Variants in KLF8 observed in about 807,000 individuals in gnomAD.
KLF8 encodes the protein Krueppel-like factor 8.
Under a neutral mutation model 18.2 loss-of-function variants are expected in KLF8, and 10 were observed. That is an observed-to-expected ratio of 0.55 (90% CI 0.34 to 0.93). The LOEUF is 0.93. Ranked by LOEUF, KLF8 falls within the 40% of genes least tolerant of loss-of-function variation. The pLI is 0.02. For synonymous variants in KLF8, 109 were observed against 97.3 expected, an observed-to-expected ratio of 1.12 and a Z score of -0.71; for missense variants, 264 against 277.9, an observed-to-expected ratio of 0.95 and a Z score of 0.36.
intron 1 of KLF8, among the ~76,000 whole-genome samples, chrX:56,249,724 A>G (rs1219536258): frequency 8.9e-6 from 1 of 111,974 alleles, no homozygotes; most frequent in Non-Finnish European, 1.9e-5. Context: ...AGCTGAATTA[A>G]GACACTAATT....
At chrX:56,199,737 A>G in the KLF8 span, among the ~76,000 whole-genome samples, 4 of 111,696 alleles carry the variant, frequency 3.6e-5, no homozygotes, top group Non-Finnish European at 7.5e-5. Context: ...TTTGATATAT[A>G]CCCAAAGGAT....
At chrX:56,143,360 T>C in the KLF8 span, among the ~76,000 whole-genome samples, 1 of 112,387 alleles carries the variant, frequency 8.9e-6, no homozygotes, top group East Asian at 2.8e-4. Context: ...ACTCACTGTC[T>C]TTTACCTTGC....
the KLF8 span, among the ~76,000 whole-genome samples, chrX:56,192,368 A>T: frequency 5.3e-4 from 59 of 112,051 alleles, no homozygotes; most frequent in African/African-American, 1.9e-3. Context: ...ATGTACTGGA[A>T]AAATCAATAT....
At chrX:56,076,386 C>T in the KLF8 span, among the ~76,000 whole-genome samples, 4 of 103,182 alleles carry the variant, frequency 3.9e-5, no homozygotes, top group Admixed American at 1.1e-4. Context: ...TGAGAATATG[C>T]GGTGTTTGAT....
chrX:56,161,330 G>A, the KLF8 span, among the ~76,000 whole-genome samples: 1,704 of 111,263 alleles, frequency 0.015, 35 homozygotes, highest in African/African-American at 0.052. Flanking sequence ...GCTAAATTGC[G>A]GAAGTTCTCC....
At chrX:56,078,311 A>G in the KLF8 span, among the ~76,000 whole-genome samples, 2 of 111,952 alleles carry the variant, frequency 1.8e-5, no homozygotes, top group Admixed American at 9.5e-5. Context: ...TTTGAGATAC[A>G]TCCCATCAAT....
the KLF8 span, among the ~76,000 whole-genome samples, chrX:55,927,476 C>A: frequency 8.9e-6 from 1 of 112,011 alleles, no homozygotes; most frequent in Non-Finnish European, 1.9e-5. Flanking sequence ...AGGGTTGGCT[C>A]TTTAGTGTAG....
the KLF8 span, among the ~76,000 whole-genome samples, chrX:56,013,213 TG>T: frequency 8.9e-6 from 1 of 112,933 alleles, no homozygotes; most frequent in Non-Finnish European, 1.9e-5. Flanking sequence ...GTTTAATGAC[TG>T]CCCTATTGGA....
chrX:56,082,300 A>G, the KLF8 span, among the ~76,000 whole-genome samples: 5 of 111,380 alleles, frequency 4.5e-5, no homozygotes, highest in African/African-American at 9.7e-5. Context: ...ATTGCTAATT[A>G]TATCTCATGA....
At chrX:56,082,535 C>G in the KLF8 span, among the ~76,000 whole-genome samples, 7 of 108,331 alleles carry the variant, frequency 6.5e-5, no homozygotes, top group Non-Finnish European at 7.7e-5. Flanking sequence ...ATGCCTTAAC[C>G]TATAAAGTTC....
At chrX:56,047,175 G>C in the KLF8 span, among the ~76,000 whole-genome samples, 1 of 108,045 alleles carries the variant, frequency 9.3e-6, no homozygotes, top group African/African-American at 3.4e-5. Context: ...AGTACATTTT[G>C]CATTTCTCTA....
chrX:56,179,779 A>G, the KLF8 span, among the ~76,000 whole-genome samples: 1 of 111,736 alleles, frequency 8.9e-6, no homozygotes, highest in African/African-American at 3.3e-5. Context: ...TTCTGTTTAT[A>G]TGATGGATTA....
chrX:56,003,544 C>T, the KLF8 span, among the ~76,000 whole-genome samples: 39 of 111,570 alleles, frequency 3.5e-4, no homozygotes, highest in African/African-American at 1.2e-3. Context: ...AGAGAATGAA[C>T]TTTCTCTGTT....
the KLF8 span, among the ~76,000 whole-genome samples, chrX:56,057,487 G>A: frequency 1.8e-5 from 2 of 111,829 alleles, no homozygotes; most frequent in African/African-American, 3.3e-5. Flanking sequence ...CCCACGGGAA[G>A]CTGCATTGTG....
At chrX:56,283,205 C>T (rs748592041) in intron 5 of KLF8, among the ~76,000 whole-genome samples, 2 of 110,793 alleles carry the variant, frequency 1.8e-5, no homozygotes, top group South Asian at 3.8e-4. Context: ...AAATACAACC[C>T]AAAGATTCTG....
At chrX:56,157,197 G>A in the KLF8 span, among the ~76,000 whole-genome samples, 1 of 98,834 alleles carries the variant, frequency 1.0e-5, no homozygotes, top group Non-Finnish European at 2.0e-5. Flanking sequence ...AGAACATATG[G>A]ACACAGGAAG....
chrX:55,997,362 C>T, the KLF8 span, among the ~76,000 whole-genome samples: 1 of 112,047 alleles, frequency 8.9e-6, no homozygotes, highest in Non-Finnish European at 1.9e-5. Context: ...GAGTCCTGTT[C>T]CTGCTAACTC....
the KLF8 span, among the ~76,000 whole-genome samples, chrX:56,004,623 GA>G: frequency 1.1e-4 from 12 of 111,399 alleles, no homozygotes; most frequent in African/African-American, 3.9e-4. Context: ...GAAGCTTGGA[GA>G]AAAAAATAAT....
chrX:56,196,084 T>G, the KLF8 span, among the ~76,000 whole-genome samples: 1 of 111,357 alleles, frequency 9.0e-6, no homozygotes, highest in Non-Finnish European at 1.9e-5. Flanking sequence ...AAAGCAAGCA[T>G]GAAACATGGA....
Sources: allele counts gnomAD v4.1 joint callset (sites outside exome capture counted in the v4.1 genomes callset), GRCh38; gene constraint gnomAD v4.1.1; transcripts MANE v1.5; gene names NCBI Gene and HGNC (gene_info 2026-07-23, HGNC 2026-07-21).